The following SLC7A5 variants were observed in gnomAD, a reference collection of about 807,000 sequenced individuals.
The protein encoded by SLC7A5 is solute carrier family 7 member 5.
SLC7A5 carries 23 observed loss-of-function variants against 50.2 expected under a neutral mutation model. The ratio of observed to expected loss-of-function variants is 0.46; its 90% CI spans 0.33 to 0.65. The LOEUF (loss-of-function observed/expected upper bound fraction) is 0.65, where lower values mean the gene tolerates loss of function less well. Ranked by LOEUF, SLC7A5 falls within the 30% of genes least tolerant of loss-of-function variation. SLC7A5 has a pLI of 0.02. For missense variants in SLC7A5, 578 were observed against 684.4 expected, an observed-to-expected ratio of 0.84 and a Z score of 1.73; for synonymous variants, 393 against 330.6, an observed-to-expected ratio of 1.19 and a Z score of -2.05.
In SLC7A5 at chr16:87,853,150, GC is replaced by G. The variant is rs2055259847; in HGVS notation, c.539-1302del. On this transcript the variant is annotated intron_variant, in intron 1 of 9. Coordinates refer to ENST00000261622, the MANE Select transcript of SLC7A5 (RefSeq NM_003486.7). This position sits in a 1 kb window ranked among gnomAD's most constrained non-coding sequence, Gnocchi z 4.4. The stretch of plus-strand genomic sequence containing the variant: ...AGTAACGCTCAGAAAGGTCTGGCCA[GC>G]CAAGGCCTTGAGGACTCCAGTGGCT... 6.6e-6 allele frequency among the ~76,000 whole-genome samples: 1 copy of G among 152,270 alleles called. No homozygotes were observed. Among genetic ancestry groups the G allele is most frequent in the Non-Finnish European group, 1.5e-5 (1 of 68,044 alleles).
intron 1 of SLC7A5, among the ~76,000 whole-genome samples, chr16:87,866,785 T>G (rs1387876154): frequency 6.6e-6 from 1 of 151,932 alleles, no homozygotes; most frequent in Non-Finnish European, 1.5e-5. Flanking sequence ...TTTTAAATGA[T>G]GATGAATTCA....
Position 87,860,916 on chromosome 16 carries a change from C to T in SLC7A5, c.538+7969G>A, listed in dbSNP as rs1204521939. Reference sequence around the variant, plus strand: ...GGGATGCAGGGAGAGACGCCTCCCACACTCCCGGAGGCACGCACGTGCTGT... The same window carrying T: ...GGGATGCAGGGAGAGACGCCTCCCATACTCCCGGAGGCACGCACGTGCTGT... On this transcript the variant is annotated intron_variant, in intron 1 of 9. Coordinates refer to ENST00000261622, the MANE Select transcript of SLC7A5 (RefSeq NM_003486.7). The surrounding 1 kb of genome is among the most constrained non-coding windows in gnomAD (Gnocchi z 4.8). Among the ~76,000 whole-genome samples the T allele has an allele frequency of 6.6e-6, 1 of 152,220 alleles. No homozygotes were observed. Among genetic ancestry groups the T allele is most frequent in the Non-Finnish European group, 1.5e-5 (1 of 68,034 alleles).
At position 87,868,952 on chromosome 16, in the gene SLC7A5, G is replaced by C; in HGVS notation, c.471C>G (p.Leu157=). Residue 157 remains leucine (L), a synonymous_variant, in exon 1 of 10, where the codon CTC becomes CTG. Coordinates refer to ENST00000261622, the MANE Select transcript of SLC7A5 (RefSeq NM_003486.7). ...CCGGGCAGGTGGGGAAGAGCGGCTT[G>C]AGCAGGTAGGTGGCGAAGACCAGGG... The part of the protein sequence containing the change: ...IVALVFATYL[L]KPLFPTCPVP... 1.9e-6 allele frequency: 3 copies of C among 1,609,546 alleles called. No individual in the cohort carries two copies. Among genetic ancestry groups the C allele is most frequent in the South Asian group, 1.1e-5 (1 of 90,802 alleles).
intron 6 of SLC7A5, among the ~76,000 whole-genome samples, chr16:87,838,318 G>C (rs1244600656): frequency 7.4e-6 from 1 of 135,050 alleles, no homozygotes; most frequent in Admixed American, 8.0e-5. Flanking sequence ...TTTTGAGATG[G>C]TCTCACTTTG....
At chr16:87,836,476 G>A (rs773631712) in intron 8 of SLC7A5, 22 bp downstream of exon 8, 6 of 1,606,152 alleles carry the variant, frequency 3.7e-6, no homozygotes, top group Non-Finnish European at 5.1e-6. Context: ...GTGCCTGGGT[G>A]AGCGGGAGGC....
At chr16:87,848,932 C>A (rs999085099) in intron 2 of SLC7A5, among the ~76,000 whole-genome samples, 2 of 97,968 alleles carry the variant, frequency 2.0e-5, no homozygotes, top group Admixed American at 1.9e-4. Context: ...CCAAGGCCTA[C>A]AGGACCCTAG....
At chr16:87,850,966 C>A (rs758333834) in intron 2 of SLC7A5, among the ~76,000 whole-genome samples, 1 of 152,150 alleles carries the variant, frequency 6.6e-6, no homozygotes, top group Non-Finnish European at 1.5e-5. Context: ...TGCAAAGGGG[C>A]GGGGGCTGTT....
intron 1 of SLC7A5, among the ~76,000 whole-genome samples, chr16:87,866,732 C>T (rs1340316425): frequency 2.6e-5 from 4 of 152,076 alleles, no homozygotes; most frequent in African/African-American, 7.2e-5. Context: ...CTCCCAAGTG[C>T]TGGGATTACA....
rs764797429 is a variant in SLC7A5, at chr16:87,834,537, C to T, written c.1345G>A (p.Val449Ile). The T allele has an allele frequency of 1.3e-5, 20 of 1,599,066 alleles. No individual in the cohort carries two copies. The highest frequency in any genetic ancestry group is 2.7e-5 in the African/African-American group (2 of 74,862). Residue 449 changes from valine to isoleucine, a missense_variant, in exon 9 of 10, where the codon GTC (valine) becomes ATC (isoleucine). Val to Ile is a conservative substitution (Grantham distance 29). This residue lies in a region of SLC7A5 where 465 missense variants were observed against 594.6 expected (regional missense o/e 0.78). Coordinates refer to ENST00000261622, the MANE Select transcript of SLC7A5 (RefSeq NM_003486.7). Reference sequence around the variant, plus strand: ...TCCACGGGTGTCTTCCAGAAGGAGACGGCGATCAGGAAGAGGCAGGCCAGG... The same window carrying T: ...TCCACGGGTGTCTTCCAGAAGGAGATGGCGATCAGGAAGAGGCAGGCCAGG... Reference protein sequence around the residue: ...FILACLFLIAVSFWKTPVECG... With the variant: ...FILACLFLIAISFWKTPVECG...
At chr16:87,837,575 G>A (rs113237554) in intron 7 of SLC7A5, 7 of 475,292 alleles carry the variant, frequency 1.5e-5, no homozygotes, top group South Asian at 5.0e-5. Context: ...TGAGCCAGGC[G>A]GCTGGCAGAG....
chr16:87,855,795 G>A (rs1329017941), intron 1 of SLC7A5, among the ~76,000 whole-genome samples: 2 of 152,004 alleles, frequency 1.3e-5, no homozygotes, highest in Non-Finnish European at 2.9e-5. Flanking sequence ...GCCCCGGCTG[G>A]GTGGGGACCC....
At chr16:87,847,444 G>C (rs1326298543) in intron 2 of SLC7A5, among the ~76,000 whole-genome samples, 1 of 152,206 alleles carries the variant, frequency 6.6e-6, no homozygotes, top group Non-Finnish European at 1.5e-5. Flanking sequence ...AGCTCCTCAG[G>C]AGGGACATCG....
In SLC7A5 at chr16:87,838,710, T is replaced by C. The variant is rs1356984990; in HGVS notation, c.1043+4A>G. 4 of 1,611,156 alleles carry C rather than the reference T, an allele frequency of 2.5e-6. No individual in the cohort carries two copies. The highest frequency in any genetic ancestry group is 3.4e-6 in the Non-Finnish European group (4 of 1,177,484). On this transcript the variant is annotated splice_donor_region_variant and intron_variant, in intron 6 of 9. Transcript: ENST00000261622. ...TCACCTGTGGTGGGTCGGGCTGTGC[T>C]CACCTGGAGGATGTGAACAGGGACC...
At chr16:87,844,751 T>G (rs1250034129) in intron 2 of SLC7A5, among the ~76,000 whole-genome samples, 1 of 152,208 alleles carries the variant, frequency 6.6e-6, no homozygotes, top group Non-Finnish European at 1.5e-5. Flanking sequence ...AGAGAGTCAC[T>G]CCTCAAGCGC....
Position 87,833,171 on chromosome 16 carries a change from T to G in SLC7A5, c.1469-146A>C. ...GCTGGGATTTTAAGGAACCTTCCCT[T>G]GTGTACTTGCGCATGTGGGTGCCGG... On this transcript the variant is annotated intron_variant, in intron 9 of 9. Coordinates refer to ENST00000261622, the MANE Select transcript of SLC7A5 (RefSeq NM_003486.7). This position sits in a 1 kb window ranked among gnomAD's most constrained non-coding sequence, Gnocchi z 6.0. The G allele has an allele frequency of 1.3e-6, 1 of 742,100 alleles. No homozygotes were observed. Among genetic ancestry groups the G allele is most frequent in the Non-Finnish European group, 2.5e-6 (1 of 408,050 alleles). 46.0% of individuals were successfully genotyped at this position (742,100 alleles called of 1,614,324 possible).
chr16:87,848,336 G>GTGC (rs2055179159), intron 2 of SLC7A5, among the ~76,000 whole-genome samples: 1 of 152,220 alleles, frequency 6.6e-6, no homozygotes, highest in African/African-American at 2.4e-5. Context: ...CAGGAGGGAC[G>GTGC]TGCTGCTGCT....
At chr16:87,848,600 G>C (rs986782776) in intron 2 of SLC7A5, among the ~76,000 whole-genome samples, 2 of 152,204 alleles carry the variant, frequency 1.3e-5, no homozygotes, top group Non-Finnish European at 2.9e-5. Context: ...ACGCGGAGGA[G>C]GCAAGGGCTC....
intron 1 of SLC7A5, among the ~76,000 whole-genome samples, chr16:87,854,217 G>A (rs977843400): frequency 6.6e-6 from 1 of 152,136 alleles, no homozygotes; most frequent in Non-Finnish European, 1.5e-5. Context: ...CCACAGGACA[G>A]ACAGGCGGGG....
In SLC7A5 at chr16:87,852,303, G is replaced by A. The variant is rs1316305964; in HGVS notation, c.539-454C>T. Among the ~76,000 whole-genome samples, 3 of 152,188 alleles carry A rather than the reference G, an allele frequency of 2.0e-5. No homozygotes were observed. The highest frequency in any genetic ancestry group is 2.9e-5 in the Non-Finnish European group (2 of 68,038). ...CCGACTGCCGGACTCCATGAGGGCGGGGCCCTTTCCTCAAAGAGGATCTTC... is the reference window on the plus strand; with the variant it reads ...CCGACTGCCGGACTCCATGAGGGCGAGGCCCTTTCCTCAAAGAGGATCTTC... On this transcript the variant is annotated intron_variant, in intron 1 of 9. Transcript: ENST00000261622. This position sits in a 1 kb window ranked among gnomAD's most constrained non-coding sequence, Gnocchi z 4.5.
Sources: gnomAD v4.1 joint callset for allele counts (sites outside exome capture counted in the v4.1 genomes callset) on GRCh38, gnomAD v4.1.1 for gene constraint, gnomAD v4.1.1 regional missense constraint, Gnocchi (gnomAD v3.1) non-coding constraint, MANE v1.5 for transcripts, NCBI Gene and HGNC (gene_info 2026-07-23, HGNC 2026-07-21) for gene names.